Variants in CNTNAP5 observed in about 807,000 individuals in gnomAD.
CNTNAP5 encodes the protein contactin-associated protein-like 5.
Under a neutral mutation model 150.2 loss-of-function variants are expected in CNTNAP5, and 72 were observed. That is an observed-to-expected ratio of 0.48 (90% CI 0.40 to 0.58). The LOEUF is 0.58. CNTNAP5 is among the 20% of genes least tolerant of loss of function. The pLI is 0.00. For missense variants in CNTNAP5, 1,636 were observed against 1,626.2 expected (o/e 1.01, Z -0.10); for synonymous variants, 672 against 619.8 (o/e 1.08, Z -1.25).
intron 1 of CNTNAP5, among the ~76,000 whole-genome samples, chr2:124,029,815 C>A (rs1680995203): frequency 6.6e-6 from 1 of 152,056 alleles, no homozygotes; most frequent in Non-Finnish European, 1.5e-5. Context: ...GATTCAGAGT[C>A]TTCGAGTTGA....
Position 124,417,337 on chromosome 2 carries a change from G to C in CNTNAP5, c.382-106G>C, listed in dbSNP as rs139258937. The C allele has an allele frequency of 2.6e-4, 298 of 1,145,180 alleles. 1 individual carries two copies. In the African/African-American group the frequency reaches 3.9e-3, roughly 15 times the overall value. 70.9% of individuals were successfully genotyped at this position (1,145,180 alleles called of 1,614,324 possible). ...GTCATATTTCAATTGAAATACGTGA[G>C]AAATTAGGTATGTTCTCAGTACGAG... is the stretch of plus-strand genomic sequence containing the variant. On this transcript the variant is annotated intron_variant, in intron 3 of 23. Transcript: ENST00000682447.
intron 11 of CNTNAP5, among the ~76,000 whole-genome samples, chr2:124,581,575 G>A (rs939377343): frequency 2.6e-5 from 4 of 152,182 alleles, no homozygotes; most frequent in Non-Finnish European, 4.4e-5. Context: ...GAGAAAAAGT[G>A]TTTGAGAGTT....
intron 1 of CNTNAP5, among the ~76,000 whole-genome samples, chr2:124,173,776 G>A (rs781771759): frequency 6.6e-6 from 1 of 152,180 alleles, no homozygotes; most frequent in Non-Finnish European, 1.5e-5. Flanking sequence ...CACTGATGAA[G>A]GTGGCTACAC....
At chr2:124,388,692 C>A (rs570106116) in intron 3 of CNTNAP5, among the ~76,000 whole-genome samples, 2 of 151,972 alleles carry the variant, frequency 1.3e-5, no homozygotes, top group African/African-American at 2.4e-5. Context: ...CCTTTTTTTT[C>A]TTTTCTTTTC....
chr2:124,174,296 T>C (rs1685010830), intron 1 of CNTNAP5, among the ~76,000 whole-genome samples: 2 of 152,194 alleles, frequency 1.3e-5, no homozygotes, highest in Non-Finnish European at 2.9e-5. Flanking sequence ...ATTTAAAAAA[T>C]ACGTGTTGTA....
chr2:124,510,878 A>T (rs919603585), intron 8 of CNTNAP5, among the ~76,000 whole-genome samples: 32 of 152,266 alleles, frequency 2.1e-4, no homozygotes, highest in African/African-American at 7.0e-4. Flanking sequence ...CTGAAAATCC[A>T]TTTAGGCAAT....
Position 124,678,054 on chromosome 2 carries a change from A to G in CNTNAP5, c.2077+30096A>G, listed in dbSNP as rs182535318. 2.2e-3 allele frequency among the ~76,000 whole-genome samples: 332 copies of G among 151,786 alleles called. 2 individuals are homozygous for G. The highest frequency in any genetic ancestry group is 7.7e-3 in the African/African-American group (320 of 41,504). On this transcript the variant is annotated intron_variant, in intron 13 of 23. Transcript: ENST00000682447. ...TAAGTCTCTGCCTTTTTGTTTGTCT[A>G]GTTTTCCACTGTTGTCTTACATCCC...
intron 2 of CNTNAP5, among the ~76,000 whole-genome samples, chr2:124,233,387 C>G (rs1686670790): frequency 6.6e-6 from 1 of 152,094 alleles, no homozygotes; most frequent in South Asian, 2.1e-4. Flanking sequence ...CAGTAGAAAC[C>G]TATGTTTTCC....
rs557496283 is a variant in CNTNAP5 at position 124,025,430 on chromosome 2, G to A, written c.-221G>A. 40 of 579,874 alleles carry A rather than the reference G, an allele frequency of 6.9e-5. 1 individual carries two copies. The highest frequency in any genetic ancestry group is 5.8e-4 in the African/African-American group (31 of 53,528). The allele number at this position is 579,874 out of a possible 1,614,324, so 35.9% of individuals were successfully genotyped here. A position where few individuals can be genotyped will look rare whatever the true frequency, so the allele number is the denominator to read the frequency against. On this transcript the variant is annotated 5_prime_UTR_variant, in exon 1 of 24. Coordinates refer to ENST00000682447, the MANE Select transcript of CNTNAP5 (RefSeq NM_001367498.1). ...GGCGAGGAAGGCGAGTCCAGCTAGC[G>A]GCTGTTGCGGGGACCGTAGCCCCAG...
intron 14 of CNTNAP5, among the ~76,000 whole-genome samples, chr2:124,750,741 T>C (rs1397761162): frequency 6.6e-6 from 1 of 151,972 alleles, no homozygotes; most frequent in Non-Finnish European, 1.5e-5. Flanking sequence ...ATCCCAGCAC[T>C]TTGGGAGGCC....
chr2:124,435,389 G>T (rs1208325388), intron 5 of CNTNAP5, among the ~76,000 whole-genome samples: 3 of 152,058 alleles, frequency 2.0e-5, no homozygotes, highest in Non-Finnish European at 4.4e-5. Context: ...CCAGCCTCCT[G>T]TACATGATCA....
intron 21 of CNTNAP5, among the ~76,000 whole-genome samples, chr2:124,874,084 T>C (rs747377054): frequency 4.6e-5 from 7 of 152,044 alleles, no homozygotes; most frequent in Non-Finnish European, 7.4e-5. Flanking sequence ...TACTGGCCCA[T>C]GAAAAATAGC....
chr2:124,140,310 C>G (rs1041685829), intron 1 of CNTNAP5, among the ~76,000 whole-genome samples: 6 of 151,824 alleles, frequency 4.0e-5, no homozygotes, highest in African/African-American at 1.5e-4. Context: ...GCCTGCCTGC[C>G]TCTGTAGGCT....
At position 124,679,709 on chromosome 2, in the gene CNTNAP5, C is replaced by T. The variant is rs1679022433; in HGVS notation, c.2077+31751C>T. Among the ~76,000 whole-genome samples, 2 of 151,786 alleles carry T rather than the reference C, an allele frequency of 1.3e-5. 1 individual carries two copies. The highest frequency in any genetic ancestry group is 4.2e-4 in the South Asian group (2 of 4,818). ...TCAGCCTCCTGAGCAGCTGGGACTG[C>T]AGGCACCACCATGCCTGGCTAATTT... On this transcript the variant is annotated intron_variant, in intron 13 of 23. Coordinates refer to ENST00000682447, the MANE Select transcript of CNTNAP5 (RefSeq NM_001367498.1).
At chr2:124,565,485 T>C (rs1573462687) in intron 11 of CNTNAP5, among the ~76,000 whole-genome samples, 1 of 148,232 alleles carries the variant, frequency 6.7e-6, no homozygotes, top group East Asian at 2.0e-4. Flanking sequence ...CCCACAAAAA[T>C]TAAAAATAAA....
intron 16 of CNTNAP5, among the ~76,000 whole-genome samples, chr2:124,768,489 A>G (rs1681117010): frequency 6.6e-6 from 1 of 152,120 alleles, no homozygotes; most frequent in Non-Finnish European, 1.5e-5. Context: ...TAATAATTAC[A>G]CTTTTGTTGA....
At chr2:124,123,570 T>A (rs1454251546) in intron 1 of CNTNAP5, among the ~76,000 whole-genome samples, 1 of 152,078 alleles carries the variant, frequency 6.6e-6, no homozygotes, top group Non-Finnish European at 1.5e-5. Context: ...TCTCCCAACA[T>A]GGAGTTTGAG....
intron 1 of CNTNAP5, among the ~76,000 whole-genome samples, chr2:124,122,422 T>C (rs530676919): frequency 3.8e-4 from 58 of 152,192 alleles, no homozygotes; most frequent in Non-Finnish European, 6.8e-4. Flanking sequence ...TATAAAGTGC[T>C]CATCTCCATG....
chr2:124,497,615 A>C (rs1193949609), intron 7 of CNTNAP5, among the ~76,000 whole-genome samples: 1 of 152,184 alleles, frequency 6.6e-6, no homozygotes, highest in Non-Finnish European at 1.5e-5. Context: ...ATTTGTTAAG[A>C]ATGTCTCTCT....
Sources: allele counts gnomAD v4.1 joint callset (sites outside exome capture counted in the v4.1 genomes callset), GRCh38; gene constraint gnomAD v4.1.1; transcripts MANE v1.5; gene names NCBI Gene and HGNC (gene_info 2026-07-23, HGNC 2026-07-21).